The following ERBB3 variants were observed in gnomAD, a reference collection of about 807,000 sequenced individuals.
ERBB3 encodes erb-b2 receptor tyrosine kinase 3.
A neutral mutation model predicts 156.7 loss-of-function variants in ERBB3; 96 were observed. The observed-to-expected ratio is 0.61, with a 90% CI of 0.52 to 0.73. The LOEUF (loss-of-function observed/expected upper bound fraction) is 0.73, where lower values mean the gene tolerates loss of function less well. Among genes scored for constraint, ERBB3 ranks in the 30% least tolerant of loss-of-function variants. ERBB3 has a pLI of 0.00. For synonymous variants in ERBB3, 567 were observed against 632.0 expected, an observed-to-expected ratio of 0.90 and a Z score of 1.54; for missense variants, 1,406 against 1,709.4, an observed-to-expected ratio of 0.82 and a Z score of 3.13.
intron 3 of ERBB3, among the ~76,000 whole-genome samples, chr12:56,085,986 G>A (rs1195323424): frequency 4.1e-5 from 6 of 148,022 alleles, no homozygotes; most frequent in Non-Finnish European, 6.0e-5. Context: ...GGAGAATGGC[G>A]TGAACCCGGG....
In ERBB3 at chr12:56,102,559, A is replaced by G. The variant is rs1157593047; in HGVS notation, c.*504A>G. 1 of 238,514 alleles carries G rather than the reference A, an allele frequency of 4.2e-6. No individual in the cohort carries two copies. The highest frequency in any genetic ancestry group is 2.2e-5 in the African/African-American group (1 of 45,348). The allele number at this position is 238,514 out of a possible 1,614,324, so 14.8% of individuals were successfully genotyped here. A position where few individuals can be genotyped will look rare whatever the true frequency, so the allele number is the denominator to read the frequency against. ...AGGTTAGGAGTAGATATTGATTACT[A>G]TCATAATTCAGCACTTAACTATGAG... On this transcript the variant is annotated 3_prime_UTR_variant, in exon 28 of 28. Coordinates refer to ENST00000267101, the MANE Select transcript of ERBB3 (RefSeq NM_001982.4).
intron 26 of ERBB3, among the ~76,000 whole-genome samples, chr12:56,100,813 G>T (rs1869065884): frequency 6.6e-6 from 1 of 151,026 alleles, no homozygotes; most frequent in African/African-American, 2.4e-5. Flanking sequence ...GATGGCAGGT[G>T]CCTGTAATCC....
chr12:56,094,645 TG>T, intron 15 of ERBB3, 89 bp downstream of exon 15: 1 of 1,475,896 alleles, frequency 6.8e-7, no homozygotes, highest in Non-Finnish European at 9.3e-7. Context: ...AGAGAGAGGC[TG>T]TGATTCAAGA....
rs1434533672 is a variant in ERBB3 at position 56,097,936 on chromosome 12, C to T, written c.2612C>T (p.Ala871Val). ...PDDKQLLYSE[A>V]KTPIKWMALE... The stretch of plus-strand genomic sequence containing the variant: ...GATAAGCAGCTGCTATACAGTGAGG[C>T]CAAGGTGAGGAGACACAAAGGGTAA... The change falls in exon 21 of 28, where the codon GCC becomes GTC. Residue 871 changes from alanine (A) to valine (V), a missense_variant. By Grantham distance (64) the Ala-to-Val change is moderately conservative. Transcript: ENST00000267101. The T allele has an allele frequency of 1.9e-6, 3 of 1,612,970 alleles. No individual in the cohort carries two copies. Among genetic ancestry groups the T allele is most frequent in the Middle Eastern group, 1.9e-4 (1 of 5,334 alleles).
chr12:56,080,430 C>T (rs1176013066), intron 1 of ERBB3, 48 bp downstream of exon 1: 6 of 1,446,792 alleles, frequency 4.1e-6, no homozygotes, highest in Non-Finnish European at 5.7e-6. Context: ...GGAGCCGGAA[C>T]CCAGTGCGCG....
rs963691433 is a variant in ERBB3 at position 56,081,805 on chromosome 12, C to T, written c.82+1423C>T. ...GGGTGGGGGATGTTGGAGGGGAGGC[C>T]TCTGGTTGAGGAGGGGCTGGAGATT... On this transcript the variant is annotated intron_variant, in intron 1 of 27. Transcript: ENST00000267101. Among the ~76,000 whole-genome samples, 3 of 152,020 alleles carry T rather than the reference C, an allele frequency of 2.0e-5. No homozygotes were observed. The South Asian group carries it at 6.2e-4, about 32-fold the overall frequency.
At chr12:56,089,212 T>G (rs1250010524) in intron 9 of ERBB3, 2 of 450,344 alleles carry the variant, frequency 4.4e-6, no homozygotes, top group Admixed American at 2.4e-5. Context: ...CGACTCACTG[T>G]AGCCTCGACC....
chr12:56,083,586 A>G (rs1868384424), intron 1 of ERBB3, 165 bp from the exon 2 acceptor site: 1 of 738,586 alleles, frequency 1.4e-6, no homozygotes, highest in Non-Finnish European at 2.4e-6. Flanking sequence ...CTCTCAGGCC[A>G]CTACAGCTTC....
chr12:56,098,591 T>C lies in ERBB3; in HGVS notation c.2692+16T>C. 1 of 1,609,506 alleles carries C rather than the reference T, an allele frequency of 6.2e-7. No homozygotes were observed. Among genetic ancestry groups the C allele is most frequent in the Non-Finnish European group, 8.5e-7 (1 of 1,175,780 alleles). Reference sequence around the variant, plus strand: ...TGGAGCTATGGTCAGTGCATCTGGATGCCCTCTCTACCATCACTGGCCCCA... The same window carrying C: ...TGGAGCTATGGTCAGTGCATCTGGACGCCCTCTCTACCATCACTGGCCCCA... On this transcript the variant is annotated intron_variant, in intron 22 of 27. Coordinates refer to ENST00000267101, the MANE Select transcript of ERBB3 (RefSeq NM_001982.4).
rs79222157 is a variant in ERBB3, at chr12:56,086,690, C to A, written c.547+34C>A. Reference sequence around the variant, plus strand: ...CCGTGATCAAGATTGCTCCCCAGTCCCACCAAACCAGAGTGACTCCCTTCT... The same window carrying A: ...CCGTGATCAAGATTGCTCCCCAGTCACACCAAACCAGAGTGACTCCCTTCT... On this transcript the variant is annotated intron_variant, in intron 4 of 27. Transcript: ENST00000267101. 0.053 allele frequency: 85,439 copies of A among 1,612,914 alleles called. 2,651 individuals are homozygous for A. The highest frequency in any genetic ancestry group is 0.061 in the Non-Finnish European group (71,893 of 1,179,102).
intron 26 of ERBB3, among the ~76,000 whole-genome samples, chr12:56,100,693 G>A (rs1332326831): frequency 1.4e-5 from 2 of 147,480 alleles, no homozygotes; most frequent in Non-Finnish European, 3.0e-5. Flanking sequence ...TGTAATCCTA[G>A]CACTTTGGGA....
chr12:56,094,328 G>C, intron 14 of ERBB3, 74 bp from the exon 15 acceptor site: 1 of 1,563,656 alleles, frequency 6.4e-7, no homozygotes, highest in Admixed American at 1.7e-5. Context: ...CTGAATGTCT[G>C]GGTTGGTCTT....
At position 56,096,889 on chromosome 12, in the gene ERBB3, T is replaced by C; in HGVS notation, c.2274+43T>C. On this transcript the variant is annotated intron_variant, in intron 19 of 27. Transcript: ENST00000267101. Reference sequence around the variant, plus strand: ...TGTATGCCGCTAGGAGAGAGGACAATATTAGATACAATCATGTAGAAGCAG... The same window carrying C: ...TGTATGCCGCTAGGAGAGAGGACAACATTAGATACAATCATGTAGAAGCAG... The C allele has an allele frequency of 2.7e-6, 4 of 1,486,978 alleles. No homozygotes were observed. In the South Asian group the frequency reaches 4.5e-5, roughly 17 times the overall value. The allele number at this position is 1,486,978 out of a possible 1,614,324, so 92.1% of individuals were successfully genotyped here. A position where few individuals can be genotyped will look rare whatever the true frequency, so the allele number is the denominator to read the frequency against.
chr12:56,082,211 G>A (rs1251984785), intron 1 of ERBB3, among the ~76,000 whole-genome samples: 6 of 152,158 alleles, frequency 3.9e-5, no homozygotes, highest in Non-Finnish European at 8.8e-5. Context: ...CAATGTGTAC[G>A]TGTTCGTGTG....
rs1565858524 is a variant in ERBB3 at position 56,091,297 on chromosome 12, A to AT, written c.1110-1450_1110-1449insT. On this transcript the variant is annotated intron_variant, in intron 9 of 27. Coordinates refer to ENST00000267101, the MANE Select transcript of ERBB3 (RefSeq NM_001982.4). ...ATATATATATATATATATATATATA[A>AT]ATAATATATATAAATATAAATATAT... Among the ~76,000 whole-genome samples the AT allele has an allele frequency of 1.6e-3, 86 of 53,398 alleles. 1 individual carries two copies. The highest frequency in any genetic ancestry group is 3.0e-3 in the South Asian group (7 of 2,348). The allele number at this position is 53,398 out of a possible 152,430, so 35.0% of individuals were successfully genotyped here.
At chr12:56,095,465 T>C (rs1286385565) in intron 16 of ERBB3, 155 bp downstream of exon 16, 11 of 886,272 alleles carry the variant, frequency 1.2e-5, no homozygotes, top group Non-Finnish European at 2.0e-5. Flanking sequence ...TGCAGGCTTC[T>C]GGACTTCCCT....
rs747554823 is a variant in ERBB3, at chr12:56,096,492, T to G, written c.2056-11T>G. ...CCTTTCCTGAGTAACTCCTTCCCAT[T>G]TGCTCCTCAGAGCATAGAGCCTCTG... On this transcript the variant is annotated splice_polypyrimidine_tract_variant and intron_variant, in intron 17 of 27. Transcript: ENST00000267101. 3 of 1,613,604 alleles carry G rather than the reference T, an allele frequency of 1.9e-6. No homozygotes were observed. The highest frequency in any genetic ancestry group is 2.5e-6 in the Non-Finnish European group (3 of 1,179,936).
At chr12:56,081,563 CG>C (rs1868354281) in intron 1 of ERBB3, among the ~76,000 whole-genome samples, 1 of 152,088 alleles carries the variant, frequency 6.6e-6, no homozygotes, top group Non-Finnish European at 1.5e-5. Context: ...TGGGGACTGG[CG>C]TGGGAGGGAG....
At chr12:56,090,647 C>CA (rs1454133459) in intron 9 of ERBB3, among the ~76,000 whole-genome samples, 1 of 151,112 alleles carries the variant, frequency 6.6e-6, no homozygotes, top group Non-Finnish European at 1.5e-5. Flanking sequence ...TGTCCCCCGC[C>CA]AAAAAAAATA....
Sources: gnomAD v4.1 joint callset for allele counts (sites outside exome capture counted in the v4.1 genomes callset) on GRCh38, gnomAD v4.1.1 for gene constraint, MANE v1.5 for transcripts, NCBI Gene and HGNC (gene_info 2026-07-23, HGNC 2026-07-21) for gene names.